FCHO2: variants seen among roughly 807,000 people sequenced by gnomAD.
The protein encoded by FCHO2 is FCH and mu domain containing endocytic adaptor 2, also known as F-BAR domain only protein 2.
Under a neutral mutation model 114.1 loss-of-function variants are expected in FCHO2, and 43 were observed. That is an observed-to-expected ratio of 0.38 (90% confidence interval 0.30 to 0.49). The LOEUF (loss-of-function observed/expected upper bound fraction) is 0.49. FCHO2 is among the 20% of genes least tolerant of loss of function. FCHO2 has a pLI of 0.97. For synonymous variants in FCHO2, 293 were observed against 315.2 expected (o/e 0.93, Z 0.75); for missense variants, 807 against 950.4 (o/e 0.85, Z 1.98).
intron 11 of FCHO2, among the ~76,000 whole-genome samples, chr5:73,049,750 T>C (rs1174065681): frequency 3.9e-5 from 6 of 152,222 alleles, no homozygotes; most frequent in African/African-American, 1.2e-4. Flanking sequence ...TTCTGAGTTA[T>C]AATATTTAGG....
intron 5 of FCHO2, among the ~76,000 whole-genome samples, chr5:73,005,007 T>G (rs577060647): frequency 6.6e-6 from 1 of 152,194 alleles, no homozygotes; most frequent in African/African-American, 2.4e-5. Context: ...GGGGCAGTAG[T>G]GTAAACGGTA....
intron 11 of FCHO2, among the ~76,000 whole-genome samples, chr5:73,044,731 A>G (rs1027738172): frequency 6.6e-6 from 1 of 151,712 alleles, no homozygotes; most frequent in Non-Finnish European, 1.5e-5. Context: ...CCACATTCCA[A>G]ACAGAAATTA....
intron 6 of FCHO2, 76 bp downstream of exon 6, chr5:73,006,625 A>AT (rs1398536493): frequency 1.0e-6 from 1 of 999,614 alleles, no homozygotes; most frequent in Non-Finnish European, 1.4e-6. Flanking sequence ...CTCTCATATA[A>AT]TTTTTTAGTG....
At chr5:73,019,381 A>C (rs1355168497) in intron 8 of FCHO2, among the ~76,000 whole-genome samples, 1 of 152,092 alleles carries the variant, frequency 6.6e-6, no homozygotes, top group African/African-American at 2.4e-5. Context: ...CCCTCTACTG[A>C]AAATACAAAA....
chr5:73,036,123 G>A (rs1756491656), intron 9 of FCHO2, among the ~76,000 whole-genome samples: 1 of 152,032 alleles, frequency 6.6e-6, no homozygotes. Context: ...TGGGATTATA[G>A]GCGAGATCCA....
intron 3 of FCHO2, among the ~76,000 whole-genome samples, chr5:72,989,776 A>G (rs1753726803): frequency 6.6e-6 from 1 of 152,160 alleles, no homozygotes; most frequent in Admixed American, 6.5e-5. Context: ...TCTTATGCAC[A>G]TGCAATGTAT....
intron 5 of FCHO2, chr5:72,997,015 C>A: frequency 2.0e-6 from 3 of 1,513,460 alleles, no homozygotes; most frequent in Non-Finnish European, 2.7e-6. Context: ...GGCAGATCTG[C>A]ATGGTAATTC....
At position 73,089,813 on chromosome 5, in the gene FCHO2, T is replaced by C. The variant is rs1170421397; in HGVS notation, c.*1723T>C. 6.6e-6 allele frequency: 1 copy of C among 152,540 alleles called. No individual in the cohort carries two copies. The highest frequency in any genetic ancestry group is 1.5e-5 in the Non-Finnish European group (1 of 67,960). The allele number at this position is 152,540 out of a possible 1,614,324, so 9.4% of individuals were successfully genotyped here. ...TACTCTTTAGCAATATATAACACAG[T>C]ATATGCTTTTTTATATATTCAATGT... On this transcript the variant is annotated 3_prime_UTR_variant, in exon 26 of 26. Transcript: ENST00000430046.
intron 8 of FCHO2, among the ~76,000 whole-genome samples, chr5:73,023,470 G>A (rs963196223): frequency 6.6e-6 from 1 of 152,156 alleles, no homozygotes; most frequent in Non-Finnish European, 1.5e-5. Context: ...GGGAGGCTGA[G>A]GCAGGTGTAT....
intron 5 of FCHO2, chr5:72,997,508 A>G: frequency 7.0e-7 from 1 of 1,437,590 alleles, no homozygotes. Flanking sequence ...AGACAAGGCC[A>G]TCACCATCAA....
At chr5:73,083,838 AG>A (rs1185833183) in intron 24 of FCHO2, among the ~76,000 whole-genome samples, 2 of 145,080 alleles carry the variant, frequency 1.4e-5, no homozygotes, top group Non-Finnish European at 3.0e-5. Flanking sequence ...GGTTGCAGTG[AG>A]CTGAGATGGT....
intron 8 of FCHO2, among the ~76,000 whole-genome samples, chr5:73,029,576 G>T (rs941794384): frequency 6.6e-6 from 1 of 152,134 alleles, no homozygotes; most frequent in Non-Finnish European, 1.5e-5. Context: ...ATAATCTGAG[G>T]CTAGGTCATT....
intron 5 of FCHO2, among the ~76,000 whole-genome samples, chr5:72,998,304 G>A (rs1357729992): frequency 6.6e-6 from 1 of 151,930 alleles, no homozygotes; most frequent in Non-Finnish European, 1.5e-5. Context: ...TGGCTAACAC[G>A]GTGAAACCCC....
At chr5:73,028,999 A>T (rs1268426682) in intron 8 of FCHO2, among the ~76,000 whole-genome samples, 1 of 152,172 alleles carries the variant, frequency 6.6e-6, no homozygotes, top group African/African-American at 2.4e-5. Flanking sequence ...ACTAATTTAT[A>T]GTGACAGAAA....
chr5:73,033,568 T>C (rs901967910), intron 8 of FCHO2, among the ~76,000 whole-genome samples: 1 of 152,142 alleles, frequency 6.6e-6, no homozygotes, highest in Non-Finnish European at 1.5e-5. Flanking sequence ...AAATCCTCTA[T>C]CATCTACTCT....
intron 8 of FCHO2, among the ~76,000 whole-genome samples, chr5:73,023,644 G>A (rs747157341): frequency 7.9e-5 from 12 of 151,372 alleles, no homozygotes; most frequent in African/African-American, 1.2e-4. Context: ...AGGTTGCAGC[G>A]AGCTCAGATT....
At chr5:73,015,746 T>C in intron 7 of FCHO2, 22 bp downstream of exon 7, 1 of 1,429,346 alleles carries the variant, frequency 7.0e-7, no homozygotes, top group Non-Finnish European at 9.4e-7. Context: ...TACTTTATGT[T>C]GAACTATTCA....
chr5:73,043,409 T>TACAC (rs35051270), intron 11 of FCHO2, among the ~76,000 whole-genome samples: 1 of 150,852 alleles, frequency 6.6e-6, no homozygotes, highest in Admixed American at 6.6e-5. Context: ...CACACACACA[T>TACAC]ACACACACAC....
chr5:73,004,551 A>G (rs774606144), intron 5 of FCHO2, among the ~76,000 whole-genome samples: 4 of 152,196 alleles, frequency 2.6e-5, no homozygotes, highest in Non-Finnish European at 4.4e-5. Context: ...TAATAAAAGC[A>G]GGCACTATTT....
Sources: allele counts gnomAD v4.1 joint callset (sites outside exome capture counted in the v4.1 genomes callset), GRCh38; gene constraint gnomAD v4.1.1; transcripts MANE v1.5; gene names NCBI Gene and HGNC (gene_info 2026-07-23, HGNC 2026-07-21).